IQSEC1: variants seen among roughly 807,000 people sequenced by gnomAD.
IQSEC1 encodes the protein IQ motif and Sec7 domain ArfGEF 1.
A neutral mutation model predicts 91.0 loss-of-function variants in IQSEC1; 31 were observed. The observed-to-expected ratio is 0.34, with a 90% CI of 0.26 to 0.46. The LOEUF (loss-of-function observed/expected upper bound fraction) is 0.46, where lower values mean the gene tolerates loss of function less well. IQSEC1 is among the 20% of genes least tolerant of loss of function. The pLI, the probability that IQSEC1 is intolerant of heterozygous loss-of-function variation, is 1.00. For synonymous variants in IQSEC1, 699 were observed against 662.6 expected (o/e 1.05, Z -0.84); for missense variants, 1,388 against 1,575.6 (o/e 0.88, Z 2.02).
intron 2 of IQSEC1, among the ~76,000 whole-genome samples, chr3:13,117,758 A>T (rs1706360440): frequency 6.7e-6 from 1 of 149,138 alleles, no homozygotes; most frequent in Admixed American, 6.7e-5. Flanking sequence ...GGTAGAGTGC[A>T]CCTGTAGTCC....
intron 1 of IQSEC1, among the ~76,000 whole-genome samples, chr3:12,966,110 T>G (rs537150550): frequency 1.3e-5 from 2 of 152,314 alleles, no homozygotes; most frequent in South Asian, 4.1e-4. Flanking sequence ...CGGGTGTGTG[T>G]GGGATATGAA....
rs1005872482 is a variant in IQSEC1 at position 12,992,458 on chromosome 3, T to C, written c.24-50593A>G. Among the ~76,000 whole-genome samples, 1 of 152,070 alleles carries C rather than the reference T, an allele frequency of 6.6e-6. No homozygotes were observed. The highest frequency in any genetic ancestry group is 6.5e-5 in the Admixed American group (1 of 15,274). Reference sequence around the variant, plus strand: ...AGCAGCCTGGCCATCTTGCCAACTGTAATGAGGAGGTGGGCATCATACTGG... The same window carrying C: ...AGCAGCCTGGCCATCTTGCCAACTGCAATGAGGAGGTGGGCATCATACTGG... On this transcript the variant is annotated intron_variant, in intron 1 of 13. Transcript: ENST00000613206. The surrounding 1 kb of genome is among the most constrained non-coding windows in gnomAD (Gnocchi z 4.1).
At chr3:12,954,996 G>A (rs1576032787) in intron 1 of IQSEC1, among the ~76,000 whole-genome samples, 1 of 152,314 alleles carries the variant, frequency 6.6e-6, no homozygotes, top group East Asian at 1.9e-4. Flanking sequence ...TACAGGTGGG[G>A]GCACCGAAGC....
At chr3:12,944,228 C>T (rs1457413534) in intron 1 of IQSEC1, among the ~76,000 whole-genome samples, 1 of 152,222 alleles carries the variant, frequency 6.6e-6, no homozygotes, top group East Asian at 1.9e-4. Flanking sequence ...CCCACAGCAG[C>T]CTCCTTTGGA....
chr3:12,934,010 C>G (rs1347180766), intron 3 of IQSEC1, among the ~76,000 whole-genome samples: 1 of 152,228 alleles, frequency 6.6e-6, no homozygotes, highest in African/African-American at 2.4e-5. Flanking sequence ...AGCCTCCCCT[C>G]TAGGGCACAT....
intron 1 of IQSEC1, among the ~76,000 whole-genome samples, chr3:12,954,364 C>A (rs1230891871): frequency 6.6e-6 from 1 of 152,168 alleles, no homozygotes; most frequent in Non-Finnish European, 1.5e-5. Flanking sequence ...TTCAGGGGCT[C>A]GCATGGGAAA....
intron 1 of IQSEC1, among the ~76,000 whole-genome samples, chr3:13,272,245 A>G (rs987347325): frequency 3.3e-5 from 5 of 152,192 alleles, no homozygotes; most frequent in African/African-American, 1.2e-4. Context: ...CCATGGAGAT[A>G]ATAATGCTCC....
At chr3:13,064,919 C>T (rs1288230595) in intron 1 of IQSEC1, among the ~76,000 whole-genome samples, 1 of 152,226 alleles carries the variant, frequency 6.6e-6, no homozygotes, top group Non-Finnish European at 1.5e-5. Flanking sequence ...GATAACTGTG[C>T]CCAGGACTGA....
chr3:13,237,975 G>T (rs1043360418), intron 1 of IQSEC1, among the ~76,000 whole-genome samples: 4 of 152,196 alleles, frequency 2.6e-5, no homozygotes, highest in African/African-American at 9.7e-5. Flanking sequence ...AGGCCTGCAT[G>T]GGGGACTGCA....
intron 2 of IQSEC1, among the ~76,000 whole-genome samples, chr3:13,134,398 G>A (rs551301947): frequency 2.0e-5 from 3 of 152,338 alleles, no homozygotes; most frequent in Non-Finnish European, 4.4e-5. Context: ...TAAGGACAAG[G>A]GCCAGTCTTG....
At chr3:13,178,383 G>A (rs1693776657) in intron 1 of IQSEC1, among the ~76,000 whole-genome samples, 1 of 152,250 alleles carries the variant, frequency 6.6e-6, no homozygotes. Context: ...GTGTGGTCAA[G>A]AGTGAGGATG....
rs747267384 is a variant in IQSEC1 at position 12,911,685 on chromosome 3, C to G, written c.2360G>C (p.Ser787Thr). The G allele has an allele frequency of 1.2e-6, 2 of 1,613,700 alleles. No individual in the cohort carries two copies. Among genetic ancestry groups the G allele is most frequent in the Non-Finnish European group, 1.7e-6 (2 of 1,180,010 alleles). ...GTACAAGGAGAAGGACTGTCGGAAGCTGTACGTCACCGAGTTCTTCTTCTT... is the reference window on the plus strand; with the variant it reads ...GTACAAGGAGAAGGACTGTCGGAAGGTGTACGTCACCGAGTTCTTCTTCTT... ...FQKKKNSVTY[S>T]FRQSFSLYGM... is the part of the protein sequence containing the mutation. Residue 787 changes from serine (S) to threonine (T), a missense_variant, in exon 10 of 14, where the codon AGC (serine) becomes ACC (threonine). This residue lies in a region of IQSEC1 where 1,059 missense variants were observed against 1,317.8 expected (regional missense o/e 0.80). Transcript: ENST00000613206.
At position 12,900,644 on chromosome 3, in the gene IQSEC1, A is replaced by G. The variant is rs773041607; in HGVS notation, c.*339T>C. The G allele has an allele frequency of 6.8e-6, 8 of 1,174,238 alleles. No homozygotes were observed. Among genetic ancestry groups the G allele is most frequent in the Admixed American group, 4.3e-5 (1 of 23,060 alleles). 72.7% of individuals were successfully genotyped at this position (1,174,238 alleles called of 1,614,324 possible). ...TTTTCTAGGTTGGGTTTTCATATGC[A>G]TGTACATTAGGGCACAGGGAGCTGA... is the stretch of plus-strand genomic sequence containing the variant. On this transcript the variant is annotated 3_prime_UTR_variant, in exon 14 of 14. Coordinates refer to ENST00000613206, the MANE Select transcript of IQSEC1 (RefSeq NM_001134382.3).
chr3:13,267,455 G>T (rs1338626198), intron 1 of IQSEC1, among the ~76,000 whole-genome samples: 1 of 152,194 alleles, frequency 6.6e-6, no homozygotes, highest in African/African-American at 2.4e-5. Context: ...ACATTCTGAT[G>T]AAATAAAAGC....
At position 12,909,306 on chromosome 3, in the gene IQSEC1, C is replaced by T. The variant is rs747210938; in HGVS notation, c.2545G>A (p.Glu849Lys). 6.2e-7 allele frequency: 1 copy of T among 1,614,236 alleles called. No homozygotes were observed. Among genetic ancestry groups the T allele is most frequent in the Non-Finnish European group, 8.5e-7 (1 of 1,180,036 alleles). Residue 849 changes from glutamate (E) to lysine (K), a missense_variant, in exon 11 of 14, where the codon GAA (glutamate) becomes AAA (lysine). Physicochemically the swap from Glu to Lys is moderately conservative, Grantham distance 56. This residue lies in a region of IQSEC1 where 1,059 missense variants were observed against 1,317.8 expected (regional missense o/e 0.80). Coordinates refer to ENST00000613206, the MANE Select transcript of IQSEC1 (RefSeq NM_001134382.3). This position sits in a 1 kb window ranked among gnomAD's most constrained non-coding sequence, Gnocchi z 4.9. ...CTGTGCTTCTCCATCTCTTGGACTT[C>T]CGCAATGGACTCCCGCAGGTCATCG... is the stretch of plus-strand genomic sequence containing the variant. ...FTDDLRESIA[E>K]VQEMEKHRIE...
chr3:13,206,287 G>A (rs1050756322), intron 1 of IQSEC1, among the ~76,000 whole-genome samples: 3 of 151,948 alleles, frequency 2.0e-5, no homozygotes, highest in Non-Finnish European at 2.9e-5. Flanking sequence ...TCTACTAGGG[G>A]TTGAAACACA....
At chr3:13,044,283 G>A (rs949675603) in intron 1 of IQSEC1, among the ~76,000 whole-genome samples, 10 of 152,212 alleles carry the variant, frequency 6.6e-5, no homozygotes, top group African/African-American at 2.2e-4. Flanking sequence ...GGGAGAGAGT[G>A]CCAGCATCCA....
chr3:13,098,999 G>A (rs375260909), intron 2 of IQSEC1, among the ~76,000 whole-genome samples: 9 of 152,340 alleles, frequency 5.9e-5, no homozygotes, highest in African/African-American at 1.4e-4. Context: ...GTCAGGTAGC[G>A]ATCAGTTCCA....
chr3:13,069,997 C>T (rs930591217), intron 1 of IQSEC1, among the ~76,000 whole-genome samples: 2 of 151,450 alleles, frequency 1.3e-5, no homozygotes, highest in Middle Eastern at 3.4e-3. Context: ...GAGCCCTGAC[C>T]GGGACAGAGT....
Sources: allele counts gnomAD v4.1 joint callset (sites outside exome capture counted in the v4.1 genomes callset), GRCh38; gene constraint gnomAD v4.1.1; regional missense constraint gnomAD v4.1.1; non-coding constraint Gnocchi (gnomAD v3.1); transcripts MANE v1.5; gene names NCBI Gene and HGNC (gene_info 2026-07-23, HGNC 2026-07-21).